NLRP14: variants seen among roughly 807,000 people sequenced by gnomAD.
NLRP14 encodes NACHT, LRR and PYD domains-containing protein 14.
In NLRP14, 105 loss-of-function variants were observed where a neutral mutation model predicts 94.7. That is an observed-to-expected ratio of 1.11 (90% CI 0.95 to 1.30). The LOEUF is 1.30. NLRP14 is among the 50% of genes most tolerant of loss of function. The pLI, the probability that NLRP14 is intolerant of heterozygous loss-of-function variation, is 0.00. For synonymous variants in NLRP14, 508 were observed against 459.9 expected (o/e 1.10, Z -1.34); for missense variants, 1,362 against 1,254.1 (o/e 1.09, Z -1.30).
chr11:7,090,244 G>T, the NLRP14 span: 28 of 1,610,232 alleles, frequency 1.7e-5, no homozygotes, highest in African/African-American at 3.3e-4. Context: ...GTGCCCAGGG[G>T]CGGAGGCCGT....
intron 9 of NLRP14, among the ~76,000 whole-genome samples, chr11:7,061,854 G>C (rs1852626611): frequency 6.6e-6 from 1 of 152,032 alleles, no homozygotes; most frequent in Admixed American, 6.6e-5. Context: ...ACAAAATATG[G>C]AAAGAGAAAG....
At chr11:7,090,087 C>A in the NLRP14 span, 1 of 1,611,610 alleles carries the variant, frequency 6.2e-7, no homozygotes, top group South Asian at 1.1e-5. Flanking sequence ...CAGCGGCGGC[C>A]GCGACAGTTA....
In NLRP14 at chr11:7,058,434, A is replaced by T. The variant is rs1181629963; in HGVS notation, c.2617A>T (p.Thr873Ser). ...TGATGCCCTGCAACATGCACAATGT[A>T]CTCTGAAGAGCCTTGTGTAAGTGTC... ...MSDALQHAQC[T>S]LKSLVLRRCH... The change falls in exon 8 of 12, where the codon ACT becomes TCT. Residue 873 changes from threonine (T) to serine (S), a missense_variant. Transcript: ENST00000299481. 8.1e-6 allele frequency: 13 copies of T among 1,611,526 alleles called. No homozygotes were observed. The highest frequency in any genetic ancestry group is 1.3e-5 in the African/African-American group (1 of 74,802).
At chr11:7,047,296 A>G (rs564004484) in intron 5 of NLRP14, among the ~76,000 whole-genome samples, 1 of 134,954 alleles carries the variant, frequency 7.4e-6, no homozygotes, top group Admixed American at 8.1e-5. Flanking sequence ...TTTATCTCAG[A>G]AAGGTCCCTT....
intron 1 of NLRP14, among the ~76,000 whole-genome samples, chr11:7,030,188 G>A (rs1852071036): frequency 6.6e-6 from 1 of 152,222 alleles, no homozygotes; most frequent in South Asian, 2.1e-4. Context: ...TCTCAATCCT[G>A]AAGCTACTGG....
chr11:7,021,233 G>T (rs948144800), intron 1 of NLRP14, among the ~76,000 whole-genome samples: 11 of 152,312 alleles, frequency 7.2e-5, no homozygotes, highest in Middle Eastern at 3.4e-3. Context: ...AATAATAATA[G>T]TAACTATGTA....
rs115129530 is a variant in NLRP14, at chr11:7,045,176, G to A, written c.1958+1192G>A. Among the ~76,000 whole-genome samples the A allele has an allele frequency of 8.7e-3, 1,329 of 152,270 alleles. 18 individuals carry two copies. The highest frequency in any genetic ancestry group is 0.031 in the African/African-American group (1,268 of 41,560). Reference sequence around the variant, plus strand: ...TTTGCAAACTGTGGGAGTAGAAATTGTGGGCCCTGATGCTATGACCTTTAC... The same window carrying A: ...TTTGCAAACTGTGGGAGTAGAAATTATGGGCCCTGATGCTATGACCTTTAC... On this transcript the variant is annotated intron_variant, in intron 4 of 11. Transcript: ENST00000299481.
intron 1 of NLRP14, among the ~76,000 whole-genome samples, chr11:7,029,917 T>C (rs1852067846): frequency 6.6e-6 from 1 of 152,180 alleles, no homozygotes; most frequent in African/African-American, 2.4e-5. Flanking sequence ...CATGCCTGAG[T>C]CCTTAGTATC....
intron 11 of NLRP14, 53 bp downstream of exon 11, chr11:7,070,509 G>T: frequency 7.7e-7 from 1 of 1,305,768 alleles, no homozygotes; most frequent in Non-Finnish European, 1.1e-6. Flanking sequence ...GAGGGATTTG[G>T]GGAGCCACTC....
intron 5 of NLRP14, 58 bp downstream of exon 5, chr11:7,046,890 C>A (rs1240143618): frequency 1.6e-6 from 2 of 1,283,276 alleles, no homozygotes; most frequent in Non-Finnish European, 2.3e-6. Context: ...TGTGTCCCAT[C>A]TTCCACTCAT....
intron 6 of NLRP14, among the ~76,000 whole-genome samples, chr11:7,050,216 G>A (rs10839703): frequency 0.57 from 86,935 of 152,084 alleles, 25,900 homozygotes; most frequent in East Asian, 0.86. Context: ...TAATGTAACT[G>A]GGGGCAGTGC....
intron 9 of NLRP14, 101 bp from the exon 10 acceptor site, chr11:7,062,232 G>A: frequency 2.1e-6 from 2 of 958,588 alleles, no homozygotes; most frequent in Non-Finnish European, 3.4e-6. Context: ...AGATAGAAAA[G>A]AGTGAGAAAA....
At chr11:7,089,547 A>G in the NLRP14 span, 1 of 1,202,860 alleles carries the variant, frequency 8.3e-7, no homozygotes, top group Non-Finnish European at 1.0e-6. Flanking sequence ...GCGGCCCTCC[A>G]GGGCCCCGAT....
In NLRP14 at chr11:7,043,923, C is replaced by A; in HGVS notation, c.1897C>A (p.Leu633Met). ...CTGCCGGTGTTTGCGGACCATCAGGCTGTCTGTAACTGTGGTATTTGAGAA... is the reference window on the plus strand; with the variant it reads ...CTGCCGGTGTTTGCGGACCATCAGGATGTCTGTAACTGTGGTATTTGAGAA... ...KHCRCLRTIR[L>M]SVTVVFEKKI... The change falls in exon 4 of 12, where the codon CTG becomes ATG. Residue 633 changes from leucine (L) to methionine (M), a missense_variant. By Grantham distance (15) the Leu-to-Met change is conservative (BLOSUM62 2). Coordinates refer to ENST00000299481, the MANE Select transcript of NLRP14 (RefSeq NM_176822.4). 3 of 1,614,146 alleles carry A rather than the reference C, an allele frequency of 1.9e-6. No individual in the cohort carries two copies. Among genetic ancestry groups the A allele is most frequent in the Non-Finnish European group, 2.5e-6 (3 of 1,179,976 alleles).
At chr11:7,073,576 C>T (rs2119733978), downstream of NLRP14, among the ~76,000 whole-genome samples, 1 of 152,298 alleles carries the variant, frequency 6.6e-6, no homozygotes, top group African/African-American at 2.4e-5. Context: ...ATTGCAAGTT[C>T]CAGGTTGTGA....
chr11:7,041,766 G>T (rs1438917877), intron 3 of NLRP14, among the ~76,000 whole-genome samples: 1 of 152,194 alleles, frequency 6.6e-6, no homozygotes, highest in East Asian at 1.9e-4. Flanking sequence ...TAGCGATGAG[G>T]TTCAGAGAGG....
At chr11:7,068,535 A>G (rs979493541) in intron 10 of NLRP14, among the ~76,000 whole-genome samples, 5 of 152,190 alleles carry the variant, frequency 3.3e-5, no homozygotes, top group African/African-American at 4.8e-5. Context: ...TTTTATATTC[A>G]GTCTGTAGAA....
intron 1 of NLRP14, among the ~76,000 whole-genome samples, chr11:7,021,811 TTAAA>T (rs2119534859): frequency 6.6e-6 from 1 of 151,052 alleles, no homozygotes; most frequent in Non-Finnish European, 1.5e-5. Context: ...AGCAATGTAT[TTAAA>T]TAGCCGCAAT....
In NLRP14 at chr11:7,071,425, G is replaced by A; in HGVS notation, c.*117G>A. ...TCTATGCCCAGAGATAGTGCACTTG[G>A]CAGCTGTCAGATACCATTCATCTAC... On this transcript the variant is annotated 3_prime_UTR_variant, in exon 12 of 12. Coordinates refer to ENST00000299481, the MANE Select transcript of NLRP14 (RefSeq NM_176822.4). The A allele has an allele frequency of 1.3e-6, 1 of 777,094 alleles. No individual in the cohort carries two copies. Among genetic ancestry groups the A allele is most frequent in the Non-Finnish European group, 2.2e-6 (1 of 461,562 alleles). 48.1% of individuals were successfully genotyped at this position (777,094 alleles called of 1,614,324 possible).
Sources: allele counts gnomAD v4.1 joint callset (sites outside exome capture counted in the v4.1 genomes callset), GRCh38; gene constraint gnomAD v4.1.1; transcripts MANE v1.5; gene names NCBI Gene and HGNC (gene_info 2026-07-23, HGNC 2026-07-21).